OPRM1: variants seen among roughly 807,000 people sequenced by gnomAD.
OPRM1 encodes opioid receptor mu 1, also known as mu-type opioid receptor.
OPRM1 carries 27 observed loss-of-function variants against 31.8 expected under a neutral mutation model. The observed-to-expected ratio is 0.85, with a 90% CI of 0.63 to 1.17. OPRM1 has a LOEUF of 1.17. Ranked by LOEUF, OPRM1 falls within the 50% of genes most tolerant of loss-of-function variation. The pLI, the probability that OPRM1 is intolerant of heterozygous loss-of-function variation, is 0.00. For synonymous variants in OPRM1, 196 were observed against 189.9 expected (o/e 1.03, Z -0.26); for missense variants, 536 against 511.1 (o/e 1.05, Z -0.47).
intron 3 of OPRM1, chr6:154,093,135 G>A: frequency 1.4e-6 from 1 of 701,224 alleles, no homozygotes; most frequent in South Asian, 2.2e-5. Context: ...TCACCAACCT[G>A]GGGATAACAT....
chr6:154,040,955 G>A, intron 1 of OPRM1, among the ~76,000 whole-genome samples: 1 of 151,136 alleles, frequency 6.6e-6, no homozygotes, highest in East Asian at 1.9e-4. Context: ...CTTTAAAATA[G>A]TTCCTAATTC....
chr6:154,021,241 C>T lies in OPRM1; in HGVS notation c.-1+10223C>T, dbSNP rs1778349626. The stretch of plus-strand genomic sequence containing the variant: ...ACTTTTCTCCGCTGTATTCCCTTTG[C>T]TCCTTTATCAAAAATCAGTTGATAG... On this transcript the variant is annotated intron_variant, in intron 1 of 5. Coordinates refer to the OPRM1 transcript ENST00000434900. 3.3e-5 allele frequency among the ~76,000 whole-genome samples: 5 copies of T among 152,176 alleles called. No individual in the cohort carries two copies. The South Asian group carries it at 1.0e-3, about 32-fold the overall frequency.
At chr6:154,111,425 A>C (rs562344826) in intron 3 of OPRM1, among the ~76,000 whole-genome samples, 1 of 152,308 alleles carries the variant, frequency 6.6e-6, no homozygotes, top group East Asian at 1.9e-4. Flanking sequence ...AGAAAAGAAA[A>C]AAATTGAGGT....
chr6:154,139,698 G>A (rs1157503808), intron 3 of OPRM1, among the ~76,000 whole-genome samples: 1 of 152,106 alleles, frequency 6.6e-6, no homozygotes, highest in Admixed American at 6.5e-5. Context: ...ATCAGTCAGT[G>A]GTCGGTTAAT....
intron 3 of OPRM1, among the ~76,000 whole-genome samples, chr6:154,117,538 A>G (rs1797000030): frequency 1.3e-5 from 2 of 152,290 alleles, no homozygotes; most frequent in South Asian, 4.1e-4. Flanking sequence ...GTCGTATCAC[A>G]GTTGAGGAAC....
At chr6:154,152,369 A>AAAG (rs1347174081) in intron 3 of OPRM1, among the ~76,000 whole-genome samples, 1 of 147,222 alleles carries the variant, frequency 6.8e-6, no homozygotes, top group African/African-American at 2.7e-5. Context: ...AGAAAGAAAG[A>AAAG]AAGAAAGAAA....
intron 1 of OPRM1, among the ~76,000 whole-genome samples, chr6:154,031,443 A>G (rs1167454074): frequency 6.6e-6 from 1 of 152,114 alleles, no homozygotes; most frequent in African/African-American, 2.4e-5. Flanking sequence ...TGAGTCAAGC[A>G]ATGTTTATTG....
intron 3 of OPRM1, among the ~76,000 whole-genome samples, chr6:154,180,616 G>A (rs971427547): frequency 2.8e-4 from 42 of 151,860 alleles, no homozygotes; most frequent in Middle Eastern, 3.2e-3. Flanking sequence ...TTTGGCTGTC[G>A]AGAACACTGT....
intron 3 of OPRM1, chr6:154,093,517 T>A: frequency 6.3e-7 from 1 of 1,593,448 alleles, no homozygotes; most frequent in Non-Finnish European, 8.5e-7. Context: ...CACATCAGTA[T>A]GGCTATTGTA....
chr6:154,019,747 C>CTTTTTTTTT (rs373120574), intron 1 of OPRM1, among the ~76,000 whole-genome samples: 8 of 121,992 alleles, frequency 6.6e-5, no homozygotes, highest in African/African-American at 1.7e-4. Flanking sequence ...CTTTTCTTTT[C>CTTTTTTTTT]TTTTTTTTTT....
chr6:154,032,981 G>T, intron 1 of OPRM1, among the ~76,000 whole-genome samples: 1 of 152,198 alleles, frequency 6.6e-6, no homozygotes. Flanking sequence ...TAGAGATGTA[G>T]GTTGGATCTA....
intron 3 of OPRM1, chr6:154,212,779 A>G: frequency 6.2e-7 from 1 of 1,610,208 alleles, no homozygotes; most frequent in Non-Finnish European, 8.5e-7. Context: ...CCAAAGACTG[A>G]GTCTGGGAAG....
chr6:154,039,239 C>T, upstream of OPRM1: 2 of 1,551,750 alleles, frequency 1.3e-6, no homozygotes, highest in Non-Finnish European at 1.7e-6. Flanking sequence ...CCTTTTCCCT[C>T]CTCCCTCCCT....
intron 3 of OPRM1, among the ~76,000 whole-genome samples, chr6:154,104,593 T>A (rs1026336950): frequency 6.6e-6 from 1 of 152,214 alleles, no homozygotes; most frequent in African/African-American, 2.4e-5. Context: ...TAAAAACAAC[T>A]AATGAGACTA....
intron 3 of OPRM1, among the ~76,000 whole-genome samples, chr6:154,222,227 C>CT (rs1328952787): frequency 6.6e-6 from 1 of 152,248 alleles, no homozygotes; most frequent in East Asian, 1.9e-4. Context: ...CCACTTTACC[C>CT]TTTAGGCAGG....
At chr6:154,117,406 A>T (rs1796989489) in intron 3 of OPRM1, among the ~76,000 whole-genome samples, 1 of 152,198 alleles carries the variant, frequency 6.6e-6, no homozygotes, top group South Asian at 2.1e-4. Flanking sequence ...CAAAAGACCC[A>T]GGCAATTGAC....
At chr6:154,150,360 G>C (rs1473403914) in intron 3 of OPRM1, among the ~76,000 whole-genome samples, 1 of 152,164 alleles carries the variant, frequency 6.6e-6, no homozygotes, top group Admixed American at 6.5e-5. Context: ...TTGTGTCCTG[G>C]TTCCTGCCAG....
At position 154,210,445 on chromosome 6, in the gene OPRM1, A is replaced by G. The variant is rs1777872991; in HGVS notation, c.1165-36248A>G. ...CAGACATAGAGACAAAGACAGAGAC[A>G]GAGAGAAACTTAGCAAAAATACATA... is the stretch of plus-strand genomic sequence containing the variant. On this transcript the variant is annotated intron_variant, in intron 3 of 3. Transcript: ENST00000337049. 2.6e-5 allele frequency among the ~76,000 whole-genome samples: 4 copies of G among 152,352 alleles called. No homozygotes were observed. In the South Asian group the frequency reaches 8.3e-4, roughly 32 times the overall value.
chr6:154,100,121 C>A lies in OPRM1; in HGVS notation c.1164+8649C>A, dbSNP rs1276704112. ...TTATGATATATATATTATATATTATCATATTATGACATATAATATATATTA... is the reference window on the plus strand; with the variant it reads ...TTATGATATATATATTATATATTATAATATTATGACATATAATATATATTA... On this transcript the variant is annotated intron_variant, in intron 3 of 3. Coordinates refer to ENST00000330432, the MANE Select transcript of OPRM1 (RefSeq NM_000914.5). Among the ~76,000 whole-genome samples, 4 of 79,028 alleles carry A rather than the reference C, an allele frequency of 5.1e-5. 2 individuals are homozygous for A. The highest frequency in any genetic ancestry group is 1.2e-4 in the African/African-American group (2 of 16,630). 51.8% of individuals were successfully genotyped at this position (79,028 alleles called of 152,430 possible).
Sources: allele counts gnomAD v4.1 joint callset (sites outside exome capture counted in the v4.1 genomes callset), GRCh38; gene constraint gnomAD v4.1.1; transcripts MANE v1.5; gene names NCBI Gene and HGNC (gene_info 2026-07-23, HGNC 2026-07-21).